SLC12A2: variants seen among roughly 807,000 people sequenced by gnomAD.
SLC12A2 encodes Na-K-2Cl cotransporter 1.
In SLC12A2, 67 loss-of-function variants were observed where a neutral mutation model predicts 136.3. That is an observed-to-expected ratio of 0.49 (90% CI 0.40 to 0.60). The LOEUF (loss-of-function observed/expected upper bound fraction) is 0.60. SLC12A2 is among the 20% of genes least tolerant of loss of function. SLC12A2 has a pLI of 0.00. For synonymous variants in SLC12A2, 619 were observed against 562.9 expected (o/e 1.10, Z -1.41); for missense variants, 1,322 against 1,534.7 (o/e 0.86, Z 2.32).
intron 1 of SLC12A2, among the ~76,000 whole-genome samples, chr5:128,098,929 G>A (rs1760643121): frequency 6.6e-6 from 1 of 152,056 alleles, no homozygotes; most frequent in East Asian, 1.9e-4. Flanking sequence ...GATATTTCAA[G>A]TTAGTAGGGC....
chr5:128,155,342 G>A (rs1254209606), intron 15 of SLC12A2, among the ~76,000 whole-genome samples: 2 of 152,088 alleles, frequency 1.3e-5, no homozygotes, highest in Non-Finnish European at 2.9e-5. Flanking sequence ...ATCAACTGAT[G>A]TCTTTCATCT....
intron 4 of SLC12A2, among the ~76,000 whole-genome samples, chr5:128,125,648 C>T (rs181700091): frequency 7.2e-5 from 11 of 151,996 alleles, no homozygotes; most frequent in Middle Eastern, 3.4e-3. Context: ...AGTGAAGAGA[C>T]GTTTACCATT....
In SLC12A2 at chr5:128,135,762, T is replaced by A; in HGVS notation, c.1362T>A (p.Phe454Leu). 6.2e-7 allele frequency: 1 copy of A among 1,612,664 alleles called. No individual in the cohort carries two copies. Among genetic ancestry groups the A allele is most frequent in the Non-Finnish European group, 8.5e-7 (1 of 1,178,928 alleles). ...TTGGTGATTTCGTCATAGGAACATT[T>A]ATCCCACTGGAGAGCAAGAAGCCAA... ...LAIGDFVIGT[F>L]IPLESKKPKG... Residue 454 changes from phenylalanine (F) to leucine (L), a missense_variant, in exon 7 of 27, where the codon TTT becomes TTA. Physicochemically the swap from Phe to Leu is conservative, Grantham distance 22. This residue lies in a region of SLC12A2 where 110 missense variants were observed against 114.5 expected (regional missense o/e 0.96). Transcript: ENST00000262461.
chr5:128,157,798 T>C (rs1446998065), intron 15 of SLC12A2, among the ~76,000 whole-genome samples: 1 of 152,182 alleles, frequency 6.6e-6, no homozygotes, highest in African/African-American at 2.4e-5. Context: ...CTTTCTGTAA[T>C]ACCTACCAGA....
At chr5:128,086,004 TTTTTC>T (rs1192683412) in intron 1 of SLC12A2, among the ~76,000 whole-genome samples, 2 of 152,230 alleles carry the variant, frequency 1.3e-5, no homozygotes, top group African/African-American at 2.4e-5. Context: ...AGTCTATTCT[TTTTTC>T]TTTTCAAAAC....
At chr5:128,134,323 A>C in intron 6 of SLC12A2, 48 bp downstream of exon 6, 1 of 988,752 alleles carries the variant, frequency 1.0e-6, no homozygotes, top group Non-Finnish European at 1.6e-6. Context: ...GTAAACTTTT[A>C]GAGCTTATGT....
chr5:128,089,061 G>A (rs926293451), intron 1 of SLC12A2, among the ~76,000 whole-genome samples: 1 of 151,892 alleles, frequency 6.6e-6, no homozygotes, highest in Admixed American at 6.6e-5. Context: ...CCAGCTATTT[G>A]GGTGGCTGAG....
Position 128,085,722 on chromosome 5 carries a change from A to C in SLC12A2, c.756+1012A>C, listed in dbSNP as rs1760078348. ...GGTTGAAATGATCACAGTTTGGACA[A>C]GTTTAAATCCAGTATGTGATTTCTT... On this transcript the variant is annotated intron_variant, in intron 1 of 26. Coordinates refer to ENST00000262461, the MANE Select transcript of SLC12A2 (RefSeq NM_001046.3). 2.0e-5 allele frequency among the ~76,000 whole-genome samples: 3 copies of C among 152,232 alleles called. No individual in the cohort carries two copies. In the South Asian group the frequency reaches 6.2e-4, roughly 31 times the overall value.
chr5:128,122,917 T>C (rs1761644622), intron 4 of SLC12A2, among the ~76,000 whole-genome samples: 1 of 152,134 alleles, frequency 6.6e-6, no homozygotes, highest in African/African-American at 2.4e-5. Context: ...TTGAAGCAGC[T>C]GTAAAACACA....
chr5:128,127,532 T>G (rs982219593), intron 4 of SLC12A2, among the ~76,000 whole-genome samples: 10 of 152,266 alleles, frequency 6.6e-5, no homozygotes, highest in African/African-American at 2.4e-4. Flanking sequence ...AAAATTGATC[T>G]TATTTCTTCC....
chr5:128,147,617 TTAAGG>T lies in SLC12A2; in HGVS notation c.1774-1_1777del. 6.4e-7 allele frequency: 1 copy of T among 1,571,498 alleles called. No individual in the cohort carries two copies. Among genetic ancestry groups the T allele is most frequent in the Non-Finnish European group, 8.7e-7 (1 of 1,144,466 alleles). ...ATTTTTCCATTTTTGTCACTTTTAT[TTAAGG>T]TAATGAGTATGGTGTCAGGATTTAC... On this transcript the variant is annotated splice_acceptor_variant and splice_polypyrimidine_tract_variant and coding_sequence_variant and intron_variant, in exon 11 of 27. Coordinates refer to ENST00000262461, the MANE Select transcript of SLC12A2 (RefSeq NM_001046.3). LOFTEE classifies it high-confidence loss of function.
intron 1 of SLC12A2, among the ~76,000 whole-genome samples, chr5:128,089,563 C>G (rs1411016773): frequency 6.9e-6 from 1 of 145,838 alleles, no homozygotes; most frequent in Non-Finnish European, 1.6e-5. Flanking sequence ...GGATTACCAC[C>G]ACCATTTCTC....
intron 1 of SLC12A2, chr5:128,110,582 TA>T (rs1761107644): frequency 4.5e-6 from 5 of 1,120,236 alleles, no homozygotes; most frequent in Non-Finnish European, 6.8e-6. Flanking sequence ...AAGTATCAAA[TA>T]AATATTGATG....
chr5:128,094,364 C>T (rs544191425), intron 1 of SLC12A2, among the ~76,000 whole-genome samples: 1 of 151,886 alleles, frequency 6.6e-6, no homozygotes, highest in African/African-American at 2.4e-5. Flanking sequence ...GAATGTTTGG[C>T]AGAGAAATTG....
chr5:128,114,180 C>T, intron 2 of SLC12A2, 32 bp from the exon 3 acceptor site: 1 of 1,476,420 alleles, frequency 6.8e-7, no homozygotes, highest in Non-Finnish European at 9.5e-7. Flanking sequence ...ATTCTTCTTC[C>T]TCTGTGTCTT....
chr5:128,157,904 T>G, intron 15 of SLC12A2, 149 bp from the exon 16 acceptor site: 1 of 590,388 alleles, frequency 1.7e-6, no homozygotes, highest in South Asian at 2.4e-5. Context: ...TACCAAGAAG[T>G]CCTGGTTAAA....
Position 128,154,561 on chromosome 5 carries a change from A to G in SLC12A2, c.2363+1756A>G, listed in dbSNP as rs1762814574. 2.6e-5 allele frequency among the ~76,000 whole-genome samples: 4 copies of G among 152,146 alleles called. No homozygotes were observed. The South Asian group carries it at 8.3e-4, about 32-fold the overall frequency. On this transcript the variant is annotated intron_variant, in intron 15 of 26. Transcript: ENST00000262461. ...TCCTCATATCCCTCTTTCTCTCACA[A>G]CTACAGGTAACCATGTTATTTACTT...
chr5:128,141,247 A>G (rs879279686), intron 9 of SLC12A2, among the ~76,000 whole-genome samples: 2 of 152,196 alleles, frequency 1.3e-5, no homozygotes, highest in Admixed American at 1.3e-4. Context: ...ATCTTGTTTC[A>G]TCTATACCCA....
intron 18 of SLC12A2, 147 bp downstream of exon 18, chr5:128,168,014 TAA>T (rs1763254669): frequency 5.6e-6 from 3 of 534,858 alleles, no homozygotes; most frequent in Non-Finnish European, 9.7e-6. Context: ...ATCTGGGTTT[TAA>T]ATTGATAATC....
Sources: allele counts gnomAD v4.1 joint callset (sites outside exome capture counted in the v4.1 genomes callset), GRCh38; gene constraint gnomAD v4.1.1; regional missense constraint gnomAD v4.1.1; transcripts MANE v1.5; gene names NCBI Gene and HGNC (gene_info 2026-07-23, HGNC 2026-07-21).